Variants in ACAP2 observed in about 807,000 individuals in gnomAD.
ACAP2 encodes the protein arf-GAP with coiled-coil, ANK repeat and PH domain-containing protein 2.
ACAP2 carries 39 observed loss-of-function variants against 115.8 expected under a neutral mutation model. The ratio of observed to expected loss-of-function variants is 0.34; its 90% CI spans 0.26 to 0.44. The LOEUF is 0.44. Among genes scored for constraint, ACAP2 ranks in the 20% least tolerant of loss-of-function variants. ACAP2 has a pLI of 1.00. For synonymous variants in ACAP2, 289 were observed against 315.8 expected (o/e 0.92, Z 0.90); for missense variants, 662 against 927.6 (o/e 0.71, Z 3.72).
chr3:195,275,647 G>T lies in ACAP2; in HGVS notation c.*3681C>A, dbSNP rs1337192161. ...GGTGGTCAGTCAGACCTGGGTAATG[G>T]TGCCAATTCTGCCACCAGCTAGCAA... On this transcript the variant is annotated 3_prime_UTR_variant, in exon 23 of 23. Coordinates refer to ENST00000326793, the MANE Select transcript of ACAP2 (RefSeq NM_012287.6). 6.6e-6 allele frequency: 1 copy of T among 152,114 alleles called. No homozygotes were observed. The highest frequency in any genetic ancestry group is 1.5e-5 in the Non-Finnish European group (1 of 68,020). 9.4% of individuals were successfully genotyped at this position (152,114 alleles called of 1,614,324 possible). A position where few individuals can be genotyped will look rare whatever the true frequency, so the allele number is the denominator to read the frequency against.
intron 13 of ACAP2, among the ~76,000 whole-genome samples, chr3:195,303,333 C>T (rs145619657): frequency 4.3e-4 from 65 of 152,048 alleles, no homozygotes; most frequent in African/African-American, 1.5e-3. Flanking sequence ...TGCTTAAACC[C>T]GGGAGGGGGC....
Position 195,299,917 on chromosome 3 carries a change from A to G in ACAP2, c.1395+1658T>C, listed in dbSNP as rs536495349. ...TCTACACTAAATAAATTCACAATAT[A>G]CTACGATTAAAATTTGAAAAATATT... On this transcript the variant is annotated intron_variant, in intron 15 of 22. Transcript: ENST00000326793. Among the ~76,000 whole-genome samples the G allele has an allele frequency of 2.0e-5, 3 of 152,310 alleles. No individual in the cohort carries two copies. The South Asian group carries it at 6.2e-4, about 32-fold the overall frequency.
intron 22 of ACAP2, among the ~76,000 whole-genome samples, chr3:195,280,007 C>T (rs1480901309): frequency 6.6e-6 from 1 of 150,828 alleles, no homozygotes; most frequent in Non-Finnish European, 1.5e-5. Context: ...GCTTCCTAAA[C>T]TCATAAAATA....
At chr3:195,320,850 T>C in intron 9 of ACAP2, 37 bp from the exon 10 acceptor site, 5 of 1,419,390 alleles carry the variant, frequency 3.5e-6, no homozygotes, top group Non-Finnish European at 4.9e-6. Flanking sequence ...TCATATGACT[T>C]GACTAAGTTT....
chr3:195,393,808 T>C (rs1306551629), intron 1 of ACAP2, among the ~76,000 whole-genome samples: 5 of 149,704 alleles, frequency 3.3e-5, no homozygotes, highest in African/African-American at 1.2e-4. Flanking sequence ...CATACCATTA[T>C]GTGAGGCAGA....
intron 22 of ACAP2, among the ~76,000 whole-genome samples, chr3:195,282,962 G>A (rs1176598241): frequency 2.0e-5 from 3 of 152,118 alleles, no homozygotes; most frequent in East Asian, 1.9e-4. Flanking sequence ...TCACAGGGAC[G>A]GCAGCACATG....
chr3:195,416,312 C>G (rs1713722947), intron 1 of ACAP2, among the ~76,000 whole-genome samples: 1 of 151,466 alleles, frequency 6.6e-6, no homozygotes, highest in Non-Finnish European at 1.5e-5. Context: ...CGCTATTGCA[C>G]TCTGGCCTGG....
intron 4 of ACAP2, among the ~76,000 whole-genome samples, chr3:195,368,303 C>A (rs563061043): frequency 6.6e-6 from 1 of 152,298 alleles, no homozygotes; most frequent in South Asian, 2.1e-4. Context: ...GCATGCACCA[C>A]TATGCCTGGC....
intron 1 of ACAP2, chr3:195,412,913 G>A: frequency 2.2e-6 from 1 of 456,168 alleles, no homozygotes; most frequent in South Asian, 1.6e-5. Flanking sequence ...TGCTCTCACG[G>A]CATCTAAGTG....
intron 4 of ACAP2, among the ~76,000 whole-genome samples, chr3:195,353,996 T>TCC (rs1218314841): frequency 6.6e-6 from 1 of 152,118 alleles, no homozygotes; most frequent in Non-Finnish European, 1.5e-5. Context: ...CCTCCTACCC[T>TCC]CCCACTCCAA....
chr3:195,342,077 C>A (rs1471035421), intron 6 of ACAP2, among the ~76,000 whole-genome samples: 2 of 152,178 alleles, frequency 1.3e-5, no homozygotes, highest in East Asian at 1.9e-4. Context: ...ACAATAAAAG[C>A]CCACACTTCA....
At chr3:195,418,099 GCCTTTGGACTTACAGTT>G in intron 1 of ACAP2, among the ~76,000 whole-genome samples, 1 of 152,128 alleles carries the variant, frequency 6.6e-6, no homozygotes, top group African/African-American at 2.4e-5. Context: ...CTGCATTTGG[GCCTTTGGACTTACAGTT>G]CTCTCTGCCA....
At chr3:195,358,913 A>G (rs1488915160) in intron 4 of ACAP2, among the ~76,000 whole-genome samples, 2 of 152,220 alleles carry the variant, frequency 1.3e-5, no homozygotes, top group African/African-American at 4.8e-5. Context: ...GATCAAGGAT[A>G]AAGAAAGGAT....
At chr3:195,442,664 G>A in intron 1 of ACAP2, 131 bp downstream of exon 1, 1 of 972,482 alleles carries the variant, frequency 1.0e-6, no homozygotes, top group Non-Finnish European at 1.5e-6. Flanking sequence ...GTGGGAAACG[G>A]CGGCAACAGC....
chr3:195,439,208 T>TTA (rs10694496), intron 1 of ACAP2, among the ~76,000 whole-genome samples: 24 of 148,806 alleles, frequency 1.6e-4, no homozygotes, highest in Admixed American at 4.7e-4. Context: ...TTTTTTTTTT[T>TTA]AAGAGAGAGA....
chr3:195,336,717 C>A (rs1200815817), intron 7 of ACAP2: 3 of 551,060 alleles, frequency 5.4e-6, no homozygotes, highest in East Asian at 3.3e-5. Flanking sequence ...CCTTTATGGA[C>A]CTCACAGTGT....
At chr3:195,341,322 T>G (rs1473953347) in intron 6 of ACAP2, among the ~76,000 whole-genome samples, 9 of 9,886 alleles carry the variant, frequency 9.1e-4, no homozygotes, top group African/African-American at 1.8e-3. Flanking sequence ...ATTGTGTGGG[T>G]TTTTTTTTTT....
At chr3:195,341,321 G>GTT (rs377628235) in intron 6 of ACAP2, among the ~76,000 whole-genome samples, 28,396 of 106,714 alleles carry the variant, frequency 0.27, 4,572 homozygotes, top group East Asian at 0.68. Context: ...TATTGTGTGG[G>GTT]TTTTTTTTTT....
chr3:195,327,706 C>T (rs904942327), intron 8 of ACAP2, among the ~76,000 whole-genome samples: 13 of 152,048 alleles, frequency 8.5e-5, no homozygotes, highest in Admixed American at 2.6e-4. Flanking sequence ...CCAAGGTGGG[C>T]GGATCACGAG....
Sources: gnomAD v4.1 joint callset for allele counts (sites outside exome capture counted in the v4.1 genomes callset) on GRCh38, gnomAD v4.1.1 for gene constraint, MANE v1.5 for transcripts, NCBI Gene and HGNC (gene_info 2026-07-23, HGNC 2026-07-21) for gene names.